TPPP: variants seen among roughly 807,000 people sequenced by gnomAD.
TPPP encodes tubulin polymerization promoting protein.
A neutral mutation model predicts 15.5 loss-of-function variants in TPPP; 6 were observed. The observed-to-expected ratio is 0.39, with a 90% CI of 0.21 to 0.77. The LOEUF (loss-of-function observed/expected upper bound fraction) is 0.77, where lower values mean the gene tolerates loss of function less well. Among genes scored for constraint, TPPP ranks in the 30% least tolerant of loss-of-function variants. The pLI is 0.42. For missense variants in TPPP, 269 were observed against 307.2 expected, an observed-to-expected ratio of 0.88 and a Z score of 0.93; for synonymous variants, 146 against 133.9, an observed-to-expected ratio of 1.09 and a Z score of -0.63.
At position 666,046 on chromosome 5, in the gene TPPP, T is replaced by C. The variant is rs139049812; in HGVS notation, c.389A>G (p.Asp130Gly). The change falls in exon 3 of 4, where the codon GAC (aspartate) becomes GGC (glycine). Residue 130 changes from aspartate (D) to glycine (G), a missense_variant. Coordinates refer to ENST00000360578, the MANE Select transcript of TPPP (RefSeq NM_007030.3). ...GCGAACGGCCTCCTCGCTGCTCTTG[T>C]CTTTGAATCGCTTCTTGGCGAGCTC... ...LEELAKKRFK[D>G]KSSEEAVREV... The C allele has an allele frequency of 3.7e-6, 6 of 1,611,972 alleles. No individual in the cohort carries two copies. The African/African-American group carries it at 8.0e-5, about 22-fold the overall frequency.
rs534935590 is a variant in TPPP at position 688,878 on chromosome 5, C to T, written c.-5+4400G>A. 1.8e-3 allele frequency among the ~76,000 whole-genome samples: 216 copies of T among 122,596 alleles called. 8 individuals are homozygous for T. The highest frequency in any genetic ancestry group is 3.4e-3 in the Non-Finnish European group (177 of 51,608). 80.4% of individuals were successfully genotyped at this position (122,596 alleles called of 152,430 possible). On this transcript the variant is annotated intron_variant, in intron 1 of 3. Transcript: ENST00000360578. ...GATGCAGCCACGGTGGCCAGGTCAC[C>T]TGCGAGATGCCATGGGTGGGAGATG...
intron 1 of TPPP, among the ~76,000 whole-genome samples, chr5:679,547 T>G (rs1357501558): frequency 1.3e-5 from 2 of 152,018 alleles, no homozygotes; most frequent in African/African-American, 2.4e-5. Flanking sequence ...AGGCCTGGTC[T>G]GTGTTTCCCC....
intron 2 of TPPP, chr5:675,996 TG>T (rs1740418946): frequency 6.6e-6 from 1 of 152,012 alleles, no homozygotes; most frequent in African/African-American, 2.4e-5. Context: ...GGGCCCTGGA[TG>T]GAGCCTCCCC....
At chr5:682,939 C>A (rs1740667673) in intron 1 of TPPP, among the ~76,000 whole-genome samples, 1 of 152,170 alleles carries the variant, frequency 6.6e-6, no homozygotes. Flanking sequence ...CATCACCCCT[C>A]CCTGGGGCCT....
the TPPP span, among the ~76,000 whole-genome samples, chr5:699,467 C>T: frequency 6.6e-6 from 1 of 151,726 alleles, no homozygotes; most frequent in African/African-American, 2.4e-5. Context: ...CAAAAGTTAA[C>T]TCAAGAGGGA....
chr5:662,014 C>G lies in TPPP; in HGVS notation c.*3088G>C, dbSNP rs775366378. 1 of 152,512 alleles carries G rather than the reference C, an allele frequency of 6.6e-6. No homozygotes were observed. Among genetic ancestry groups the G allele is most frequent in the Admixed American group, 6.5e-5 (1 of 15,286 alleles). The allele number at this position is 152,512 out of a possible 1,614,324, so 9.4% of individuals were successfully genotyped here. On this transcript the variant is annotated 3_prime_UTR_variant, in exon 4 of 4. Transcript: ENST00000360578. ...GATCCCAGGGTGCTCCAGGCCAGGA[C>G]GGGCAGGGTGCCACAGCAGCCTCGA...
chr5:676,627 G>A (rs1740441495), intron 2 of TPPP: 1 of 152,268 alleles, frequency 6.6e-6, no homozygotes, highest in South Asian at 2.1e-4. Flanking sequence ...CGGGGCTCAG[G>A]GAGAACCGCT....
intron 1 of TPPP, chr5:692,907 G>C (rs4990986): frequency 0.21 from 176,846 of 855,234 alleles, 28,529 homozygotes; most frequent in African/African-American, 0.52. Flanking sequence ...GAAACGGTTC[G>C]AGTCCCGAGC....
chr5:694,111 C>T (rs1579204684), upstream of TPPP, among the ~76,000 whole-genome samples: 1 of 141,780 alleles, frequency 7.1e-6, no homozygotes. Flanking sequence ...CCATCCCGGC[C>T]GCTCTTCCAA....
intron 2 of TPPP, among the ~76,000 whole-genome samples, chr5:670,027 G>A (rs762473969): frequency 2.4e-4 from 36 of 152,302 alleles, no homozygotes; most frequent in Admixed American, 9.8e-4. Context: ...GGACGCAGCC[G>A]CTGCTCATAC....
the TPPP span, among the ~76,000 whole-genome samples, chr5:698,796 T>C: frequency 1.3e-5 from 2 of 151,956 alleles, no homozygotes; most frequent in Non-Finnish European, 1.5e-5. Flanking sequence ...AAAAAACTCT[T>C]AGATTTGATA....
intron 2 of TPPP, among the ~76,000 whole-genome samples, chr5:675,189 G>C (rs2458822): frequency 9.5e-6 from 1 of 105,500 alleles, no homozygotes; most frequent in African/African-American, 3.2e-5. Context: ...GGAGGGTACG[G>C]TGTGGCCAGG....
intron 2 of TPPP, among the ~76,000 whole-genome samples, chr5:673,628 G>C (rs1369741795): frequency 6.6e-6 from 1 of 152,180 alleles, no homozygotes; most frequent in Non-Finnish European, 1.5e-5. Context: ...CCCCTCGCTG[G>C]GCTTGGGCCA....
chr5:668,548 CA>C (rs1440521891), intron 2 of TPPP, among the ~76,000 whole-genome samples: 1 of 152,116 alleles, frequency 6.6e-6, no homozygotes, highest in Non-Finnish European at 1.5e-5. Flanking sequence ...CTCAGACAAT[CA>C]AATAAACTGC....
At chr5:688,317 G>A (rs1223940556) in intron 1 of TPPP, among the ~76,000 whole-genome samples, 1 of 145,326 alleles carries the variant, frequency 6.9e-6, no homozygotes, top group Non-Finnish European at 1.5e-5. Flanking sequence ...GGGACAGCGG[G>A]CATCCCCGTG....
rs977576182 is a variant in TPPP at position 664,908 on chromosome 5, G to A, written c.*194C>T. Reference sequence around the variant, plus strand: ...GTCAGCGAACTGGGGCCCAAACCTGGTTTGAGAGGGGAGTGCTGGGGGCAT... The same window carrying A: ...GTCAGCGAACTGGGGCCCAAACCTGATTTGAGAGGGGAGTGCTGGGGGCAT... On this transcript the variant is annotated 3_prime_UTR_variant, in exon 4 of 4. Transcript: ENST00000360578. 4.8e-6 allele frequency: 3 copies of A among 623,432 alleles called. No homozygotes were observed. The highest frequency in any genetic ancestry group is 8.3e-6 in the Non-Finnish European group (3 of 361,896). The allele number at this position is 623,432 out of a possible 1,614,324, so 38.6% of individuals were successfully genotyped here. A position where few individuals can be genotyped will look rare whatever the true frequency, so the allele number is the denominator to read the frequency against.
At position 667,931 on chromosome 5, in the gene TPPP, G is replaced by C. The variant is rs1235401911; in HGVS notation, c.312-1808C>G. Among the ~76,000 whole-genome samples, 3 of 64,308 alleles carry C rather than the reference G, an allele frequency of 4.7e-5. 1 individual carries two copies. Among genetic ancestry groups the C allele is most frequent in the Non-Finnish European group, 8.0e-5 (3 of 37,618 alleles). The allele number at this position is 64,308 out of a possible 152,430, so 42.2% of individuals were successfully genotyped here. A position where few individuals can be genotyped will look rare whatever the true frequency, so the allele number is the denominator to read the frequency against. ...TCAGGGAAGTACCGACAAGCACACAGAGAGGGGGCCGTGTGGGCGCCGTCA... is the reference window on the plus strand; with the variant it reads ...TCAGGGAAGTACCGACAAGCACACACAGAGGGGGCCGTGTGGGCGCCGTCA... On this transcript the variant is annotated intron_variant, in intron 2 of 3. Transcript: ENST00000360578.
At chr5:666,489 G>A (rs1739920731) in intron 2 of TPPP, among the ~76,000 whole-genome samples, 1 of 152,196 alleles carries the variant, frequency 6.6e-6, no homozygotes, top group African/African-American at 2.4e-5. Context: ...ACCTGCTGGG[G>A]CCCCGGCTCT....
chr5:665,068 G>A lies in TPPP; in HGVS notation c.*34C>T. On this transcript the variant is annotated 3_prime_UTR_variant, in exon 4 of 4. Transcript: ENST00000360578. ...GAGGTGACAGAGTCCCTGCTCTGGG[G>A]ACACCGGCAGTGCCGCGAGGCATGG... 1 of 1,593,964 alleles carries A rather than the reference G, an allele frequency of 6.3e-7. No homozygotes were observed. The highest frequency in any genetic ancestry group is 8.5e-7 in the Non-Finnish European group (1 of 1,174,206).
Sources: allele counts gnomAD v4.1 joint callset (sites outside exome capture counted in the v4.1 genomes callset), GRCh38; gene constraint gnomAD v4.1.1; transcripts MANE v1.5; gene names NCBI Gene and HGNC (gene_info 2026-07-23, HGNC 2026-07-21).